Variants in PLEKHA6 observed in about 807,000 individuals in gnomAD.
PLEKHA6 encodes the protein pleckstrin homology domain containing A6, also known as pleckstrin homology domain-containing family A member 6.
Under a neutral mutation model 116.7 loss-of-function variants are expected in PLEKHA6, and 60 were observed. The observed-to-expected ratio is 0.51, with a 90% confidence interval of 0.42 to 0.64. The LOEUF (loss-of-function observed/expected upper bound fraction) is 0.64, where lower values mean the gene tolerates loss of function less well. Ranked by LOEUF, PLEKHA6 falls within the 30% of genes least tolerant of loss-of-function variation. The pLI is 0.00. For synonymous variants in PLEKHA6, 489 were observed against 556.1 expected, an observed-to-expected ratio of 0.88 and a Z score of 1.70; for missense variants, 1,338 against 1,422.7, an observed-to-expected ratio of 0.94 and a Z score of 0.96.
intron 1 of PLEKHA6, chr1:204,346,870 C>T (rs1174811959): frequency 6.7e-6 from 9 of 1,344,634 alleles, no homozygotes; most frequent in South Asian, 4.7e-5. Flanking sequence ...AGCAGGCTGG[C>T]GCTTTAGTTG....
chr1:204,314,613 T>C (rs1158965624), intron 1 of PLEKHA6, among the ~76,000 whole-genome samples: 1 of 152,202 alleles, frequency 6.6e-6, no homozygotes, highest in African/African-American at 2.4e-5. Flanking sequence ...AGGTGTCAGA[T>C]GAGTATCCCA....
intron 1 of PLEKHA6, among the ~76,000 whole-genome samples, chr1:204,358,019 A>G (rs1358296741): frequency 1.3e-5 from 2 of 151,978 alleles, no homozygotes; most frequent in African/African-American, 2.4e-5. Flanking sequence ...CTGCACCATC[A>G]CCTTCCTAGG....
At chr1:204,369,014 T>C (rs1673721957) in intron 2 of PLEKHA6, 1 of 152,122 alleles carries the variant, frequency 6.6e-6, no homozygotes, top group South Asian at 2.1e-4. Flanking sequence ...TTTCTAATCA[T>C]TCATTTTATT....
intron 1 of PLEKHA6, among the ~76,000 whole-genome samples, chr1:204,375,825 G>A (rs1980052): frequency 0.3 from 44,625 of 147,718 alleles, 7,183 homozygotes; most frequent in African/African-American, 0.39. Flanking sequence ...GCTCCACTCC[G>A]TCTCCACTGA....
At chr1:204,348,559 T>A (rs910234053) in intron 1 of PLEKHA6, among the ~76,000 whole-genome samples, 1 of 152,120 alleles carries the variant, frequency 6.6e-6, no homozygotes, top group Admixed American at 6.5e-5. Flanking sequence ...AACCGAGCAG[T>A]GTGGATTCCT....
chr1:204,347,594 A>G (rs1279222872), intron 1 of PLEKHA6, among the ~76,000 whole-genome samples: 2 of 151,796 alleles, frequency 1.3e-5, no homozygotes, highest in Non-Finnish European at 2.9e-5. Flanking sequence ...TGGGGAAGCG[A>G]TAAGTGTCCA....
At chr1:204,325,361 G>C (rs1449276862) in intron 1 of PLEKHA6, among the ~76,000 whole-genome samples, 1 of 152,150 alleles carries the variant, frequency 6.6e-6, no homozygotes, top group African/African-American at 2.4e-5. Flanking sequence ...GGGACATGGT[G>C]GTCAACTGTC....
At chr1:204,295,607 T>A (rs1342301119) in intron 1 of PLEKHA6, among the ~76,000 whole-genome samples, 1 of 151,836 alleles carries the variant, frequency 6.6e-6, no homozygotes, top group Non-Finnish European at 1.5e-5. Flanking sequence ...AGAAAGGGAA[T>A]CTCATTGCCC....
chr1:204,335,721 G>C (rs1342816543), intron 1 of PLEKHA6, among the ~76,000 whole-genome samples: 1 of 152,020 alleles, frequency 6.6e-6, no homozygotes, highest in Non-Finnish European at 1.5e-5. Flanking sequence ...CCCCTTTTCT[G>C]TCTGGGCAGT....
intron 1 of PLEKHA6, among the ~76,000 whole-genome samples, chr1:204,317,793 A>G (rs1171257703): frequency 6.6e-6 from 1 of 152,206 alleles, no homozygotes; most frequent in African/African-American, 2.4e-5. Flanking sequence ...AATAAATATT[A>G]TTTTGGGATA....
intron 1 of PLEKHA6, among the ~76,000 whole-genome samples, chr1:204,287,893 C>A (rs140591112): frequency 6.6e-6 from 1 of 152,176 alleles, no homozygotes; most frequent in Non-Finnish European, 1.5e-5. Context: ...CTGGCTTCTG[C>A]GCTGAGCAGT....
chr1:204,254,383 G>A (rs1399754469), intron 9 of PLEKHA6, among the ~76,000 whole-genome samples: 1 of 152,224 alleles, frequency 6.6e-6, no homozygotes. Flanking sequence ...GCCCTGGTGA[G>A]ATGGGTCACA....
In PLEKHA6 at chr1:204,370,628, G is replaced by C. The variant is rs183827032; in HGVS notation, c.160+902C>G. On this transcript the variant is annotated intron_variant, in intron 2 of 4. Coordinates refer to the PLEKHA6 transcript ENST00000564627. The stretch of plus-strand genomic sequence containing the variant: ...GTGTCCCACCTTTCCCACTAGCCCT[G>C]AGGGCTACCAGTGATGTTTTCTCCA... Among the ~76,000 whole-genome samples, 35 of 152,298 alleles carry C rather than the reference G, an allele frequency of 2.3e-4. 1 individual carries two copies. Among genetic ancestry groups the C allele is most frequent in the Non-Finnish European group, 7.4e-5 (5 of 68,014 alleles).
chr1:204,276,129 GT>G (rs35199313), intron 1 of PLEKHA6, among the ~76,000 whole-genome samples: 2 of 151,682 alleles, frequency 1.3e-5, no homozygotes, highest in African/African-American at 4.9e-5. Context: ...ATCAAAGAGT[GT>G]TTTTTTTCAG....
intron 1 of PLEKHA6, among the ~76,000 whole-genome samples, chr1:204,323,828 G>A (rs1363054666): frequency 2.0e-5 from 3 of 152,172 alleles, no homozygotes; most frequent in African/African-American, 7.2e-5. Context: ...TGAGATGGTT[G>A]TTGTTATGAC....
chr1:204,336,560 G>T (rs139934997), intron 1 of PLEKHA6, among the ~76,000 whole-genome samples: 79 of 146,290 alleles, frequency 5.4e-4, no homozygotes, highest in African/African-American at 2.1e-3. Flanking sequence ...AGAGGTGTGT[G>T]AGCGTGTGTG....
At chr1:204,282,351 T>A (rs2102972363) in intron 1 of PLEKHA6, among the ~76,000 whole-genome samples, 1 of 152,312 alleles carries the variant, frequency 6.6e-6, no homozygotes, top group East Asian at 1.9e-4. Flanking sequence ...GGGAATTCCA[T>A]CTGTCTGCTG....
At chr1:204,299,446 C>G (rs1419889206) in intron 1 of PLEKHA6, 1 of 156,630 alleles carries the variant, frequency 6.4e-6, no homozygotes, top group Admixed American at 6.5e-5. Context: ...GAGCTGGCAA[C>G]AGAAGTGGGG....
intron 15 of PLEKHA6, among the ~76,000 whole-genome samples, chr1:204,244,623 AG>A (rs1479370204): frequency 6.6e-6 from 1 of 152,250 alleles, no homozygotes; most frequent in Non-Finnish European, 1.5e-5. Flanking sequence ...CCTGGTGCCC[AG>A]GAACAGGCTT....
Sources: allele counts gnomAD v4.1 joint callset (sites outside exome capture counted in the v4.1 genomes callset), GRCh38; gene constraint gnomAD v4.1.1; transcripts MANE v1.5; gene names NCBI Gene and HGNC (gene_info 2026-07-23, HGNC 2026-07-21).